Variants in LRP6 observed in about 807,000 individuals in gnomAD.
LRP6 encodes LDL receptor related protein 6.
Under a neutral mutation model 184.1 loss-of-function variants are expected in LRP6, and 43 were observed. The ratio of observed to expected loss-of-function variants is 0.23; its 90% CI spans 0.18 to 0.30. The LOEUF (loss-of-function observed/expected upper bound fraction) is 0.30. Among genes scored for constraint, LRP6 ranks in the 10% least tolerant of loss-of-function variants. The probability of loss-of-function intolerance (pLI) is 1.00; values close to 1 mark genes in which losing one functional copy is unlikely to be tolerated. For missense variants in LRP6, 1,571 were observed against 2,005.3 expected (o/e 0.78, Z 4.14); for synonymous variants, 719 against 684.9 (o/e 1.05, Z -0.78).
intron 16 of LRP6, among the ~76,000 whole-genome samples, chr12:12,137,121 T>C (rs1430315286): frequency 4.6e-5 from 7 of 152,204 alleles, no homozygotes; most frequent in African/African-American, 9.6e-5. Context: ...TGAACACTTG[T>C]ACAGGGCTAC....
intron 3 of LRP6, among the ~76,000 whole-genome samples, chr12:12,193,621 T>C (rs1047439071): frequency 2.6e-5 from 4 of 151,986 alleles, no homozygotes; most frequent in African/African-American, 4.8e-5. Flanking sequence ...GCCAACAAAT[T>C]AGACAAATTT....
At chr12:12,238,859 G>A (rs1035442860) in intron 2 of LRP6, among the ~76,000 whole-genome samples, 2 of 151,982 alleles carry the variant, frequency 1.3e-5, no homozygotes, top group African/African-American at 4.8e-5. Context: ...CTAAAAACAT[G>A]AAACTTATTT....
At chr12:12,195,159 A>G (rs917279233) in intron 3 of LRP6, among the ~76,000 whole-genome samples, 8 of 152,110 alleles carry the variant, frequency 5.3e-5, no homozygotes, top group Admixed American at 2.0e-4. Flanking sequence ...TGCTGCAACA[A>G]ACATAGGGGT....
At chr12:12,194,979 G>A (rs75817850) in intron 3 of LRP6, among the ~76,000 whole-genome samples, 142 of 152,164 alleles carry the variant, frequency 9.3e-4, no homozygotes, top group African/African-American at 3.2e-3. Flanking sequence ...CTGGTCCTAT[G>A]TCACTTAAGA....
chr12:12,175,603 C>T (rs147456041), intron 7 of LRP6, among the ~76,000 whole-genome samples: 7,417 of 148,048 alleles, frequency 0.05, 207 homozygotes, highest in Middle Eastern at 0.18. Context: ...AGGAAAATTG[C>T]GTGAACCCAG....
chr12:12,243,236 A>T (rs1245238111), intron 2 of LRP6, among the ~76,000 whole-genome samples: 1 of 152,224 alleles, frequency 6.6e-6, no homozygotes, highest in Non-Finnish European at 1.5e-5. Flanking sequence ...CAATGTGAGG[A>T]TACAGTTCAC....
intron 9 of LRP6, 145 bp downstream of exon 9, chr12:12,164,128 T>TAAAA: frequency 9.1e-5 from 55 of 605,580 alleles, no homozygotes; most frequent in Admixed American, 2.5e-4. Flanking sequence ...AGACACCGTT[T>TAAAA]AAAAAAAAAA....
chr12:12,158,833 A>G lies in LRP6; in HGVS notation c.2787T>C (p.Cys929=). 1.2e-6 allele frequency: 2 copies of G among 1,614,064 alleles called. No homozygotes were observed. The highest frequency in any genetic ancestry group is 1.1e-5 in the South Asian group (1 of 91,080). ...HYSLNADNRT[C]SAPTTFLLFS... Reference sequence around the variant, plus strand: ...TTGGAGGGAAATGCAGCTTACCACTACAAGTCCTGTTGTCAGCATTAAGAG... The same window carrying G: ...TTGGAGGGAAATGCAGCTTACCACTGCAAGTCCTGTTGTCAGCATTAAGAG... The change falls in exon 12 of 23, where the codon TGT becomes TGC. Residue 929 remains cysteine, a synonymous_variant. Transcript: ENST00000261349.
At chr12:12,158,239 G>A (rs369832896) in intron 12 of LRP6, among the ~76,000 whole-genome samples, 2 of 152,148 alleles carry the variant, frequency 1.3e-5, no homozygotes, top group Non-Finnish European at 2.9e-5. Context: ...TGTTTGTAAT[G>A]TTCTTCCCTT....
In LRP6 at chr12:12,129,706, C is replaced by A. The variant is rs187774968; in HGVS notation, c.4081+1077G>T. On this transcript the variant is annotated intron_variant, in intron 19 of 22. Transcript: ENST00000261349. ...TAGCTGGGATTACAGGTGCCCGCCA[C>A]CACGCCCAGCTAATTTTTGTATTTT... Among the ~76,000 whole-genome samples, 29 of 152,242 alleles carry A rather than the reference C, an allele frequency of 1.9e-4. No homozygotes were observed. The East Asian group carries it at 5.4e-3, about 28-fold the overall frequency.
At chr12:12,160,541 G>T (rs890576986) in intron 10 of LRP6, among the ~76,000 whole-genome samples, 2 of 152,134 alleles carry the variant, frequency 1.3e-5, no homozygotes, top group East Asian at 3.8e-4. Context: ...TATATGGTAA[G>T]AACAACGACT....
At chr12:12,201,557 A>G (rs549581323) in intron 3 of LRP6, among the ~76,000 whole-genome samples, 11 of 152,252 alleles carry the variant, frequency 7.2e-5, no homozygotes, top group African/African-American at 2.4e-4. Context: ...ATAGACAGTG[A>G]TAACATGGAG....
At chr12:12,188,557 G>A (rs1399886800) in intron 3 of LRP6, among the ~76,000 whole-genome samples, 31 of 152,162 alleles carry the variant, frequency 2.0e-4, no homozygotes, top group Admixed American at 1.8e-3. Context: ...TCATTTTTAC[G>A]TGTAAGCAGG....
At chr12:12,188,343 C>G (rs1863530275) in intron 3 of LRP6, among the ~76,000 whole-genome samples, 1 of 151,764 alleles carries the variant, frequency 6.6e-6, no homozygotes, top group African/African-American at 2.4e-5. Flanking sequence ...CCCAATAGCC[C>G]ACCCAGGAGG....
intron 2 of LRP6, among the ~76,000 whole-genome samples, chr12:12,235,527 T>C (rs1187917224): frequency 6.6e-6 from 1 of 151,846 alleles, no homozygotes; most frequent in Non-Finnish European, 1.5e-5. Flanking sequence ...GGTTGGGAGT[T>C]CGAGACCAGC....
intron 1 of LRP6, among the ~76,000 whole-genome samples, chr12:12,266,015 T>C (rs1865747251): frequency 6.6e-6 from 1 of 152,074 alleles, no homozygotes; most frequent in African/African-American, 2.4e-5. Flanking sequence ...ACTCCGAAAA[T>C]AGGGGCAAGC....
chr12:12,215,086 G>C (rs1016664224), intron 2 of LRP6, among the ~76,000 whole-genome samples: 1 of 152,142 alleles, frequency 6.6e-6, no homozygotes, highest in African/African-American at 2.4e-5. Flanking sequence ...GGCAATACTT[G>C]TTGTCTCAGT....
At chr12:12,188,683 T>C (rs1863539699) in intron 3 of LRP6, among the ~76,000 whole-genome samples, 1 of 152,222 alleles carries the variant, frequency 6.6e-6, no homozygotes, top group South Asian at 2.1e-4. Flanking sequence ...TAATCCTCTC[T>C]TCCCTAAGTA....
intron 4 of LRP6, among the ~76,000 whole-genome samples, chr12:12,185,826 T>TTGTGTG (rs35641659): frequency 1.8e-4 from 27 of 148,878 alleles, no homozygotes; most frequent in African/African-American, 5.6e-4. Context: ...AGAGGCGTTT[T>TTGTGTG]TGTGTGTGTG....
Sources: allele counts gnomAD v4.1 joint callset (sites outside exome capture counted in the v4.1 genomes callset), GRCh38; gene constraint gnomAD v4.1.1; transcripts MANE v1.5; gene names NCBI Gene and HGNC (gene_info 2026-07-23, HGNC 2026-07-21).